The following CFAP20DC variants were observed in gnomAD, a reference collection of about 807,000 sequenced individuals.
CFAP20DC encodes the protein protein CFAP20DC.
Under a neutral mutation model 101.7 loss-of-function variants are expected in CFAP20DC, and 84 were observed. The ratio of observed to expected loss-of-function variants is 0.83; its 90% CI spans 0.69 to 0.99. CFAP20DC has a LOEUF of 0.99. CFAP20DC is among the 50% of genes least tolerant of loss of function. The pLI, the probability that CFAP20DC is intolerant of heterozygous loss-of-function variation, is 0.00. For synonymous variants in CFAP20DC, 359 were observed against 351.2 expected, an observed-to-expected ratio of 1.02 and a Z score of -0.25; for missense variants, 1,007 against 970.3, an observed-to-expected ratio of 1.04 and a Z score of -0.50.
chr3:58,826,744 G>T (rs560633020), intron 14 of CFAP20DC, among the ~76,000 whole-genome samples: 9 of 152,344 alleles, frequency 5.9e-5, no homozygotes, highest in Non-Finnish European at 1.2e-4. Flanking sequence ...AACACAGAAG[G>T]TATGAAAGAA....
intron 4 of CFAP20DC, chr3:59,017,107 G>C (rs1462486069): frequency 2.0e-5 from 3 of 151,980 alleles, no homozygotes; most frequent in Non-Finnish European, 4.4e-5. Context: ...TTACCCACAG[G>C]GCTAGGTCTT....
At chr3:59,040,004 G>A (rs2094169617) in intron 3 of CFAP20DC, among the ~76,000 whole-genome samples, 1 of 151,850 alleles carries the variant, frequency 6.6e-6, no homozygotes, top group African/African-American at 2.4e-5. Flanking sequence ...AAAAGCATGT[G>A]GCAATTATTT....
intron 13 of CFAP20DC, among the ~76,000 whole-genome samples, chr3:58,841,200 G>T (rs747403514): frequency 1.1e-4 from 16 of 152,208 alleles, no homozygotes; most frequent in Non-Finnish European, 2.1e-4. Flanking sequence ...TCTCAAACAG[G>T]TGTTTTGAAA....
At chr3:58,841,319 G>C (rs549743088) in intron 13 of CFAP20DC, among the ~76,000 whole-genome samples, 1 of 152,212 alleles carries the variant, frequency 6.6e-6, no homozygotes, top group Non-Finnish European at 1.5e-5. Context: ...GCACATTTGA[G>C]TGGCAAATGG....
intron 15 of CFAP20DC, among the ~76,000 whole-genome samples, chr3:58,791,533 G>A (rs1305739104): frequency 6.6e-6 from 1 of 152,054 alleles, no homozygotes; most frequent in Non-Finnish European, 1.5e-5. Flanking sequence ...TGAGTGAATA[G>A]TTTAACCAAT....
chr3:58,909,033 T>C (rs1399812788), intron 6 of CFAP20DC, among the ~76,000 whole-genome samples: 1 of 152,164 alleles, frequency 6.6e-6, no homozygotes, highest in Non-Finnish European at 1.5e-5. Context: ...AGAAGACCTT[T>C]AGGGCAGTGA....
In CFAP20DC at chr3:59,014,886, C is replaced by T. The variant is rs2093657849; in HGVS notation, c.278+24671G>A. 6.6e-6 allele frequency among the ~76,000 whole-genome samples: 1 copy of T among 152,104 alleles called. No individual in the cohort carries two copies. The highest frequency in any genetic ancestry group is 1.5e-5 in the Non-Finnish European group (1 of 68,014). On this transcript the variant is annotated intron_variant, in intron 4 of 16. Coordinates refer to ENST00000482387, the MANE Select transcript of CFAP20DC (RefSeq NM_001394063.1). This position sits in a 1 kb window ranked among gnomAD's most constrained non-coding sequence, Gnocchi z 4.9. ...GAGCATCTCCTCCCAGCTCCACATT[C>T]AGTGATGTCAGATTGGTAGCTTGAA...
At chr3:59,003,818 A>G (rs982675811) in intron 4 of CFAP20DC, among the ~76,000 whole-genome samples, 17 of 152,202 alleles carry the variant, frequency 1.1e-4, no homozygotes, top group African/African-American at 2.9e-4. Flanking sequence ...AAAACAACAC[A>G]TAGTACATAC....
chr3:58,787,093 AATATAAAAGTAATTTT>A (rs1313560676), intron 15 of CFAP20DC, among the ~76,000 whole-genome samples: 5 of 152,114 alleles, frequency 3.3e-5, no homozygotes, highest in East Asian at 3.9e-4. Context: ...GTGCTATAAA[AATATAAAAGTAATTTT>A]ATATAAAAGT....
intron 14 of CFAP20DC, among the ~76,000 whole-genome samples, chr3:58,830,577 C>G (rs2076330407): frequency 6.6e-6 from 1 of 152,154 alleles, no homozygotes; most frequent in South Asian, 2.1e-4. Context: ...AAGCAAGTCA[C>G]AAAATTCATA....
Position 58,913,921 on chromosome 3 carries a change from A to C in CFAP20DC, c.394-57T>G. On this transcript the variant is annotated intron_variant, in intron 5 of 16. Transcript: ENST00000482387. This position sits in a 1 kb window ranked among gnomAD's most constrained non-coding sequence, Gnocchi z 4.4. ...ACCTTTCATCAACACATAAATGAAC[A>C]AACCATCTATATGTAGACATTCAAA... is the stretch of plus-strand genomic sequence containing the variant. 6.4e-7 allele frequency: 1 copy of C among 1,566,350 alleles called. No individual in the cohort carries two copies. Among genetic ancestry groups the C allele is most frequent in the Non-Finnish European group, 8.8e-7 (1 of 1,140,606 alleles).
intron 4 of CFAP20DC, among the ~76,000 whole-genome samples, chr3:59,016,811 C>G (rs2093698959): frequency 6.6e-6 from 1 of 152,076 alleles, no homozygotes; most frequent in African/African-American, 2.4e-5. Flanking sequence ...CATGCAGGAA[C>G]TACACTTTAA....
rs377122157 is a variant in CFAP20DC at position 58,724,718 on chromosome 3, T to C, written c.198-7090A>G. ...AGCTCGGCGCCTTTTGCAGCCTCCA[T>C]TTTGCAACTGGCCCCCTGGCTCCCA... is the stretch of plus-strand genomic sequence containing the variant. On this transcript the variant is annotated intron_variant, in intron 3 of 3. Coordinates refer to the CFAP20DC transcript ENST00000486145. This position sits in a 1 kb window ranked among gnomAD's most constrained non-coding sequence, Gnocchi z 5.6. Among the ~76,000 whole-genome samples, 7 of 152,292 alleles carry C rather than the reference T, an allele frequency of 4.6e-5. No homozygotes were observed. The highest frequency in any genetic ancestry group is 1.9e-4 in the East Asian group (1 of 5,176).
chr3:58,761,270 G>A (rs1177495047), intron 15 of CFAP20DC, among the ~76,000 whole-genome samples: 1 of 152,136 alleles, frequency 6.6e-6, no homozygotes, highest in Non-Finnish European at 1.5e-5. Context: ...TTGGGAGGGT[G>A]TATGTGTCGA....
chr3:58,954,982 T>C (rs947866218), intron 4 of CFAP20DC, among the ~76,000 whole-genome samples: 11 of 151,554 alleles, frequency 7.3e-5, no homozygotes, highest in Non-Finnish European at 1.3e-4. Context: ...CAAAAAACTA[T>C]TGAAATAAAA....
intron 13 of CFAP20DC, among the ~76,000 whole-genome samples, chr3:58,843,312 G>C (rs941313114): frequency 6.6e-6 from 1 of 151,816 alleles, no homozygotes; most frequent in Non-Finnish European, 1.5e-5. Context: ...ACAGAGAAGT[G>C]CTTAAAGGAG....
In CFAP20DC at chr3:58,931,289, C is replaced by G. The variant is rs957335601; in HGVS notation, c.393+6359G>C. On this transcript the variant is annotated intron_variant, in intron 5 of 16. Transcript: ENST00000482387. Reference sequence around the variant, plus strand: ...CCAGGAAGCTCGAACTGGGTGGAGACCACCACAACTCAAGGAGGCCTGCCT... The same window carrying G: ...CCAGGAAGCTCGAACTGGGTGGAGAGCACCACAACTCAAGGAGGCCTGCCT... Among the ~76,000 whole-genome samples the G allele has an allele frequency of 3.3e-5, 5 of 152,178 alleles. No individual in the cohort carries two copies. In the South Asian group the frequency reaches 6.2e-4, roughly 19 times the overall value.
chr3:58,808,252 C>G (rs560989627), intron 14 of CFAP20DC, among the ~76,000 whole-genome samples: 1 of 152,100 alleles, frequency 6.6e-6, no homozygotes, highest in Non-Finnish European at 1.5e-5. Context: ...AACTCCAAGA[C>G]ACATAATTGT....
chr3:58,888,173 C>G (rs2081820403), intron 6 of CFAP20DC, among the ~76,000 whole-genome samples: 1 of 152,176 alleles, frequency 6.6e-6, no homozygotes, highest in African/African-American at 2.4e-5. Context: ...AGAATAGACC[C>G]TACATAAACA....
Sources: gnomAD v4.1 joint callset for allele counts (sites outside exome capture counted in the v4.1 genomes callset) on GRCh38, gnomAD v4.1.1 for gene constraint, Gnocchi (gnomAD v3.1) non-coding constraint, MANE v1.5 for transcripts, NCBI Gene and HGNC (gene_info 2026-07-23, HGNC 2026-07-21) for gene names.